Variants in RBM6 observed in about 807,000 individuals in gnomAD.
RBM6 encodes RNA binding motif protein 6, also known as RNA-binding protein 6.
In RBM6, 23 loss-of-function variants were observed where a neutral mutation model predicts 140.4. The observed-to-expected ratio is 0.16, with a 90% CI of 0.12 to 0.23. The LOEUF (loss-of-function observed/expected upper bound fraction) is 0.23. Ranked by LOEUF, RBM6 falls within the 10% of genes least tolerant of loss-of-function variation. RBM6 has a pLI of 1.00. For synonymous variants in RBM6, 439 were observed against 475.6 expected (o/e 0.92, Z 1.00); for missense variants, 1,139 against 1,386.7 (o/e 0.82, Z 2.84).
intron 20 of RBM6, 136 bp downstream of exon 20, chr3:50,075,466 C>CT: frequency 8.2e-7 from 1 of 1,215,848 alleles, no homozygotes; most frequent in Non-Finnish European, 1.1e-6. Context: ...GAGTTGAACA[C>CT]TTTAGCCTTG....
intron 5 of RBM6, among the ~76,000 whole-genome samples, chr3:49,985,430 T>A (rs1180331832): frequency 6.6e-6 from 1 of 152,176 alleles, no homozygotes; most frequent in Non-Finnish European, 1.5e-5. Context: ...TTCTCTACCC[T>A]TGCAGTGTAA....
chr3:50,029,801 T>C (rs1174363485), intron 6 of RBM6, among the ~76,000 whole-genome samples: 1 of 152,090 alleles, frequency 6.6e-6, no homozygotes, highest in Non-Finnish European at 1.5e-5. Context: ...GGCAGGAGGA[T>C]TGCTTGAGCC....
At chr3:50,006,204 G>T (rs1215847871) in intron 6 of RBM6, among the ~76,000 whole-genome samples, 3 of 150,800 alleles carry the variant, frequency 2.0e-5, no homozygotes, top group Admixed American at 6.6e-5. Flanking sequence ...TAGCACAGAG[G>T]TGCTCACTGC....
At chr3:50,075,134 CAA>C in intron 19 of RBM6, 65 bp from the exon 20 acceptor site, 2 of 1,549,852 alleles carry the variant, frequency 1.3e-6, no homozygotes, top group Non-Finnish European at 1.7e-6. Flanking sequence ...CCAGCCTGGG[CAA>C]AAAGAGTGAA....
chr3:50,027,567 A>G (rs2087912790), intron 6 of RBM6, among the ~76,000 whole-genome samples: 1 of 152,144 alleles, frequency 6.6e-6, no homozygotes, highest in South Asian at 2.1e-4. Context: ...CCTGCTCTGG[A>G]TATTTCATAT....
intron 5 of RBM6, among the ~76,000 whole-genome samples, chr3:49,987,829 G>A (rs1334178493): frequency 6.6e-6 from 1 of 151,996 alleles, no homozygotes; most frequent in African/African-American, 2.4e-5. Flanking sequence ...TGTAGAGATG[G>A]GGTTTTGCCG....
intron 1 of RBM6, among the ~76,000 whole-genome samples, chr3:49,951,612 C>T (rs1158024591): frequency 6.6e-6 from 1 of 151,608 alleles, no homozygotes; most frequent in Non-Finnish European, 1.5e-5. Flanking sequence ...ACTCTGTTGC[C>T]CAGGCTGGAG....
At chr3:50,070,383 TG>T in intron 18 of RBM6, 71 bp from the exon 19 acceptor site, 1 of 1,036,720 alleles carries the variant, frequency 9.6e-7, no homozygotes, top group Non-Finnish European at 1.5e-6. Context: ...ATAACAGCAA[TG>T]GGGTAGAATT....
intron 3 of RBM6, among the ~76,000 whole-genome samples, chr3:49,970,890 G>A (rs984805718): frequency 6.6e-6 from 1 of 152,084 alleles, no homozygotes; most frequent in Non-Finnish European, 1.5e-5. Context: ...AACACTTTGG[G>A]AGGCAAAGGT....
At chr3:50,001,879 G>A (rs1300664241) in intron 6 of RBM6, among the ~76,000 whole-genome samples, 2 of 152,166 alleles carry the variant, frequency 1.3e-5, no homozygotes, top group East Asian at 3.8e-4. Context: ...AATGAAGCAG[G>A]GTATTGGGAG....
intron 11 of RBM6, 49 bp downstream of exon 11, chr3:50,059,795 T>G (rs1178342197): frequency 6.8e-7 from 1 of 1,472,460 alleles, no homozygotes; most frequent in East Asian, 2.3e-5. Flanking sequence ...CTTGTGTTTT[T>G]GAGAGGAAAC....
intron 6 of RBM6, among the ~76,000 whole-genome samples, chr3:50,022,994 G>A (rs2087588269): frequency 6.6e-6 from 1 of 152,074 alleles, no homozygotes; most frequent in Non-Finnish European, 1.5e-5. Flanking sequence ...AGCTACTAGG[G>A]AGGCTGAGAT....
rs1203865246 is a variant in RBM6, at chr3:50,015,431, AT to A, written c.1557+15935del. 5.2e-3 allele frequency among the ~76,000 whole-genome samples: 765 copies of A among 145,790 alleles called. 9 individuals are homozygous for A. Among genetic ancestry groups the A allele is most frequent in the African/African-American group, 0.017 (681 of 39,840 alleles). On this transcript the variant is annotated intron_variant, in intron 6 of 20. Coordinates refer to ENST00000266022, the MANE Select transcript of RBM6 (RefSeq NM_005777.3). The stretch of plus-strand genomic sequence containing the variant: ...AAATTTTTATTTTATTATTATTATT[AT>A]TTTTTTTTTTTTTTTTGAGATGGAG...
chr3:49,973,045 G>C (rs142190003), intron 4 of RBM6, among the ~76,000 whole-genome samples: 373 of 152,250 alleles, frequency 2.4e-3, no homozygotes, highest in African/African-American at 8.6e-3. Flanking sequence ...TGGTCAGGCT[G>C]GTCTTGAACT....
intron 5 of RBM6, among the ~76,000 whole-genome samples, chr3:49,989,790 C>T (rs1444307500): frequency 1.3e-5 from 2 of 152,096 alleles, no homozygotes; most frequent in Admixed American, 1.3e-4. Context: ...GTCACCCAGG[C>T]TGGAGTGGTG....
chr3:49,989,882 G>A (rs1388354059), intron 5 of RBM6, among the ~76,000 whole-genome samples: 1 of 152,054 alleles, frequency 6.6e-6, no homozygotes, highest in African/African-American at 2.4e-5. Context: ...TTGTAGCTGG[G>A]ATTACAGTTG....
intron 6 of RBM6, among the ~76,000 whole-genome samples, chr3:50,022,821 G>A (rs920392470): frequency 2.6e-5 from 4 of 152,102 alleles, no homozygotes; most frequent in Non-Finnish European, 5.9e-5. Flanking sequence ...TTTGGGGGCT[G>A]GGCGCAGTGA....
intron 1 of RBM6, among the ~76,000 whole-genome samples, chr3:49,945,166 C>T (rs1000543978): frequency 2.6e-4 from 38 of 148,544 alleles, no homozygotes; most frequent in African/African-American, 4.5e-4. Context: ...TGAGCCACCG[C>T]GCCCGGCCAA....
chr3:49,968,970 C>CTT (rs34699382), intron 3 of RBM6, among the ~76,000 whole-genome samples: 32 of 141,892 alleles, frequency 2.3e-4, no homozygotes, highest in Middle Eastern at 3.6e-3. Flanking sequence ...GCCCGGCCTG[C>CTT]TTTTTTTTTT....
Sources: allele counts gnomAD v4.1 joint callset (sites outside exome capture counted in the v4.1 genomes callset), GRCh38; gene constraint gnomAD v4.1.1; transcripts MANE v1.5; gene names NCBI Gene and HGNC (gene_info 2026-07-23, HGNC 2026-07-21).